Variants in NSMAF observed in about 807,000 individuals in gnomAD.
NSMAF encodes the protein protein FAN.
A neutral mutation model predicts 134.9 loss-of-function variants in NSMAF; 90 were observed. The ratio of observed to expected loss-of-function variants is 0.67; its 90% CI spans 0.56 to 0.79. The LOEUF (loss-of-function observed/expected upper bound fraction) is 0.79. Ranked by LOEUF, NSMAF falls within the 30% of genes least tolerant of loss-of-function variation. The probability of loss-of-function intolerance (pLI) is 0.00; values close to 1 mark genes in which losing one functional copy is unlikely to be tolerated. For missense variants in NSMAF, 1,010 were observed against 1,119.0 expected, an observed-to-expected ratio of 0.90 and a Z score of 1.39; for synonymous variants, 358 against 389.6, an observed-to-expected ratio of 0.92 and a Z score of 0.96.
At chr8:58,635,605 A>G (rs1807156661) in intron 2 of NSMAF, 59 bp from the exon 3 acceptor site, 2 of 1,039,914 alleles carry the variant, frequency 1.9e-6, no homozygotes, top group East Asian at 2.4e-5. Context: ...CAAGATAATC[A>G]TAGTACATTT....
rs1805818529 is a variant in NSMAF at position 58,583,621 on chromosome 8, AATCTGGGT to A, written c.*477_*484del. 6.0e-6 allele frequency: 1 copy of A among 165,322 alleles called. No homozygotes were observed. The highest frequency in any genetic ancestry group is 2.4e-5 in the African/African-American group (1 of 41,536). 10.2% of individuals were successfully genotyped at this position (165,322 alleles called of 1,614,324 possible). ...TGCTAATCCTTCTCCAGGTTCTTAGAATCTGGGTACAGCATTATAGAAAGTAACCACGC... is the reference window on the plus strand; with the variant it reads ...TGCTAATCCTTCTCCAGGTTCTTAGAACAGCATTATAGAAAGTAACCACGC... On this transcript the variant is annotated 3_prime_UTR_variant, in exon 31 of 31. Coordinates refer to ENST00000038176, the MANE Select transcript of NSMAF (RefSeq NM_003580.4).
intron 21 of NSMAF, among the ~76,000 whole-genome samples, chr8:58,597,061 A>G (rs1806153019): frequency 6.6e-6 from 1 of 152,246 alleles, no homozygotes; most frequent in Non-Finnish European, 1.5e-5. Context: ...GACTGTAAGA[A>G]TGAAAAGGCA....
chr8:58,599,841 C>T lies in NSMAF; in HGVS notation c.1362G>A (p.Val454=), dbSNP rs1806234691. ...ELIPEFYGDD[V]SFLVNSLKLD... is the part of the protein sequence containing the mutation. ...ACTTCAGGCTATTGACTAGAAAGCT[C>T]ACATCATCACCATAGAATTCTGGAA... Residue 454 remains valine (V), a synonymous_variant, in exon 18 of 31, where the codon GTG becomes GTA. Coordinates refer to ENST00000038176, the MANE Select transcript of NSMAF (RefSeq NM_003580.4). The T allele has an allele frequency of 2.5e-6, 4 of 1,613,988 alleles. No individual in the cohort carries two copies. In the South Asian group the frequency reaches 3.3e-5, roughly 13 times the overall value.
intron 30 of NSMAF, among the ~76,000 whole-genome samples, chr8:58,585,413 C>CA (rs1373195755): frequency 1.3e-5 from 2 of 151,290 alleles, no homozygotes; most frequent in Non-Finnish European, 2.9e-5. Context: ...TTTAATTCTC[C>CA]ATATGAAAGT....
At chr8:58,584,748 C>A (rs533638965) in intron 30 of NSMAF, among the ~76,000 whole-genome samples, 1 of 152,290 alleles carries the variant, frequency 6.6e-6, no homozygotes, top group East Asian at 1.9e-4. Context: ...GCTAGCCTCC[C>A]ATCTTAGCCT....
intron 11 of NSMAF, among the ~76,000 whole-genome samples, chr8:58,607,269 G>A (rs1460390506): frequency 6.6e-6 from 1 of 152,212 alleles, no homozygotes; most frequent in Non-Finnish European, 1.5e-5. Context: ...ACTTATTCAG[G>A]GAATGGTGGA....
At chr8:58,586,403 A>T (rs1805885677) in intron 28 of NSMAF, 55 bp downstream of exon 28, 1 of 1,451,944 alleles carries the variant, frequency 6.9e-7, no homozygotes, top group African/African-American at 1.5e-5. Context: ...AATATTGTTT[A>T]TTTCAAAATT....
At chr8:58,630,741 A>G (rs10957063) in intron 6 of NSMAF, among the ~76,000 whole-genome samples, 47,022 of 152,074 alleles carry the variant, frequency 0.31, 7,682 homozygotes, top group Non-Finnish European at 0.35. Context: ...ACATGCAAGT[A>G]TTTCTTGTCC....
intron 25 of NSMAF, 55 bp downstream of exon 25, chr8:58,589,950 CCA>C (rs1805984181): frequency 6.9e-7 from 1 of 1,454,072 alleles, no homozygotes. Flanking sequence ...CACCTCATGT[CCA>C]CAGAGGCAGC....
At chr8:58,635,092 C>T in intron 5 of NSMAF, 97 bp downstream of exon 5, 1 of 904,474 alleles carries the variant, frequency 1.1e-6, no homozygotes, top group Admixed American at 2.3e-5. Context: ...ATTTCTATTC[C>T]ATGGTCTTCA....
chr8:58,592,387 G>T (rs1049070460), intron 23 of NSMAF, among the ~76,000 whole-genome samples: 2 of 152,116 alleles, frequency 1.3e-5, no homozygotes, highest in African/African-American at 4.8e-5. Flanking sequence ...CTGTACTAGA[G>T]GTCATCATGT....
chr8:58,655,834 G>C (rs1038869908), intron 1 of NSMAF, among the ~76,000 whole-genome samples: 3 of 151,696 alleles, frequency 2.0e-5, no homozygotes, highest in African/African-American at 7.3e-5. Flanking sequence ...GTGAACCCGG[G>C]AGGCGGAACT....
intron 1 of NSMAF, among the ~76,000 whole-genome samples, chr8:58,649,078 T>C (rs965927419): frequency 2.0e-5 from 3 of 152,208 alleles, no homozygotes; most frequent in South Asian, 2.1e-4. Context: ...AGCAGCCAAG[T>C]GGGCTGCACC....
At chr8:58,607,009 G>T (rs775239642) in intron 11 of NSMAF, among the ~76,000 whole-genome samples, 3 of 152,190 alleles carry the variant, frequency 2.0e-5, no homozygotes, top group African/African-American at 4.8e-5. Flanking sequence ...ATTAGTGCTG[G>T]AAATGGAGGA....
chr8:58,653,960 G>T (rs1403580218), intron 1 of NSMAF, among the ~76,000 whole-genome samples: 1 of 152,074 alleles, frequency 6.6e-6, no homozygotes, highest in African/African-American at 2.4e-5. Flanking sequence ...ATACATTTTG[G>T]GTAAAGTCAA....
rs182254822 is a variant in NSMAF, at chr8:58,585,861, G to A, written c.2549+37C>T. On this transcript the variant is annotated intron_variant, in intron 29 of 30. Coordinates refer to ENST00000038176, the MANE Select transcript of NSMAF (RefSeq NM_003580.4). ...AAATGAAGTGATCATGAACATGTCT[G>A]TAAATGTCTTCGCCCCCAGTAACTC... The A allele has an allele frequency of 1.9e-4, 309 of 1,589,066 alleles. No homozygotes were observed. In the Middle Eastern group the frequency reaches 2.0e-3, roughly 10 times the overall value.
At chr8:58,654,590 C>A (rs190059910) in intron 1 of NSMAF, among the ~76,000 whole-genome samples, 1 of 152,192 alleles carries the variant, frequency 6.6e-6, no homozygotes, top group African/African-American at 2.4e-5. Flanking sequence ...CTAGCATAAT[C>A]AAGAATATTA....
intron 2 of NSMAF, chr8:58,639,958 T>C (rs994878578): frequency 4.3e-5 from 17 of 393,658 alleles, no homozygotes; most frequent in African/African-American, 3.6e-4. Context: ...GAGACAAGAA[T>C]GGAACTTACG....
chr8:58,612,122 C>A (rs1377542282), intron 9 of NSMAF, among the ~76,000 whole-genome samples: 2 of 152,156 alleles, frequency 1.3e-5, no homozygotes, highest in African/African-American at 4.8e-5. Context: ...ACAGAAGCAT[C>A]TTTTGCTCTA....
Sources: gnomAD v4.1 joint callset for allele counts (sites outside exome capture counted in the v4.1 genomes callset) on GRCh38, gnomAD v4.1.1 for gene constraint, MANE v1.5 for transcripts, NCBI Gene and HGNC (gene_info 2026-07-23, HGNC 2026-07-21) for gene names.